The following FAM114A2 variants were observed in gnomAD, a reference collection of about 807,000 sequenced individuals.
The protein encoded by FAM114A2 is protein FAM114A2.
In FAM114A2, 53 loss-of-function variants were observed where a neutral mutation model predicts 58.4. That is an observed-to-expected ratio of 0.91 (90% CI 0.73 to 1.14). The LOEUF is 1.14. Among genes scored for constraint, FAM114A2 ranks in the 50% most tolerant of loss-of-function variants. The pLI is 0.00. For synonymous variants in FAM114A2, 228 were observed against 211.4 expected (o/e 1.08, Z -0.68); for missense variants, 601 against 581.1 (o/e 1.03, Z -0.35).
At chr5:154,018,762 G>A (rs1019078086) in intron 8 of FAM114A2, among the ~76,000 whole-genome samples, 4 of 152,080 alleles carry the variant, frequency 2.6e-5, no homozygotes, top group Admixed American at 6.5e-5. Context: ...CATATGAAAG[G>A]CAATAAATGT....
rs1391960448 is a variant in FAM114A2 at position 153,992,035 on chromosome 5, T to C, written c.*941A>G. 1 of 152,162 alleles carries C rather than the reference T, an allele frequency of 6.6e-6. No individual in the cohort carries two copies. Among genetic ancestry groups the C allele is most frequent in the African/African-American group, 2.4e-5 (1 of 41,440 alleles). The allele number at this position is 152,162 out of a possible 1,614,324, so 9.4% of individuals were successfully genotyped here. On this transcript the variant is annotated 3_prime_UTR_variant, in exon 14 of 14. Transcript: ENST00000351797. ...AAAAAGGAAAGAGGAAAAAATAAAC[T>C]ATGCCTTAGAAGTTAAATCCTATCA...
intron 11 of FAM114A2, among the ~76,000 whole-genome samples, chr5:153,999,890 T>C (rs1318177222): frequency 1.3e-5 from 2 of 152,076 alleles, no homozygotes; most frequent in African/African-American, 2.4e-5. Flanking sequence ...CCTAAGTCAG[T>C]TGAAAAATGG....
intron 4 of FAM114A2, among the ~76,000 whole-genome samples, chr5:154,031,327 A>AAAAAAAAAAAAAAAAAC (rs1772182138): frequency 6.6e-6 from 1 of 150,746 alleles, no homozygotes; most frequent in Non-Finnish European, 1.5e-5. Flanking sequence ...AAAAAAAAAA[A>AAAAAAAAAAAAAAAAAC]AGCCTTAAAG....
Position 154,034,851 on chromosome 5 carries a change from G to A in FAM114A2, c.103C>T (p.Gln35Ter). ...GATTTACTCTCTGGTTTGGCACCTTGGTCAACAGACTCAGAATTCTTGGCT... is the reference window on the plus strand; with the variant it reads ...GATTTACTCTCTGGTTTGGCACCTTAGTCAACAGACTCAGAATTCTTGGCT... ...EPAKNSESVD[Q>*]GAKPESKSEP... Residue 35 changes from glutamine (Q) to a stop codon, truncating the protein, a stop_gained, in exon 2 of 14, where the codon CAA becomes TAA. Transcript: ENST00000351797. LOFTEE classifies it high-confidence loss of function. 5.6e-6 allele frequency: 9 copies of A among 1,613,884 alleles called. No individual in the cohort carries two copies. Among genetic ancestry groups the A allele is most frequent in the Middle Eastern group, 1.6e-4 (1 of 6,062 alleles).
rs138252960 is a variant in FAM114A2 at position 154,034,870 on chromosome 5, C to A, written c.84G>T (p.Lys28Asn). ...ILEDGNCEPAKNSESVDQGAK... is the reference protein window; with the variant it reads ...ILEDGNCEPANNSESVDQGAK... ...CACCTTGGTCAACAGACTCAGAATT[C>A]TTGGCTGGCTCACAGTTTCCATCTT... Residue 28 changes from lysine (K) to asparagine (N), a missense_variant, in exon 2 of 14, where the codon AAG becomes AAT. Coordinates refer to ENST00000351797, the MANE Select transcript of FAM114A2 (RefSeq NM_018691.4). The A allele has an allele frequency of 5.2e-5, 84 of 1,613,996 alleles. No individual in the cohort carries two copies. Among genetic ancestry groups the A allele is most frequent in the Non-Finnish European group, 5.6e-5 (66 of 1,179,916 alleles).
intron 13 of FAM114A2, chr5:153,994,466 G>A (rs191406820): frequency 6.4e-6 from 1 of 155,376 alleles, no homozygotes; most frequent in African/African-American, 2.4e-5. Context: ...GAATGATGAG[G>A]ATAATGTAAA....
At chr5:154,019,857 A>G (rs1338530598) in intron 8 of FAM114A2, among the ~76,000 whole-genome samples, 1 of 152,170 alleles carries the variant, frequency 6.6e-6, no homozygotes, top group Non-Finnish European at 1.5e-5. Context: ...GGATCTTCTC[A>G]GCACCACACT....
Position 154,028,140 on chromosome 5 carries a change from A to C in FAM114A2, c.630+9T>G. The C allele has an allele frequency of 1.9e-6, 3 of 1,603,424 alleles. No homozygotes were observed. Among genetic ancestry groups the C allele is most frequent in the Non-Finnish European group, 2.6e-6 (3 of 1,174,550 alleles). On this transcript the variant is annotated intron_variant, in intron 6 of 13. Transcript: ENST00000351797. ...AAACAGGAAGTAAACAGGTAAGGAT[A>C]ATCAGTACCTGAGATAGTGTAGCAT... is the stretch of plus-strand genomic sequence containing the variant.
rs1203679280 is a variant in FAM114A2, at chr5:153,992,208, A to G, written c.*768T>C. 1 of 152,208 alleles carries G rather than the reference A, an allele frequency of 6.6e-6. No individual in the cohort carries two copies. The highest frequency in any genetic ancestry group is 2.4e-5 in the African/African-American group (1 of 41,454). The allele number at this position is 152,208 out of a possible 1,614,324, so 9.4% of individuals were successfully genotyped here. Reference sequence around the variant, plus strand: ...ATGGTAGACACGAAACACATCCTGAAGAGACTCAGAATATCTGCAAACATA... The same window carrying G: ...ATGGTAGACACGAAACACATCCTGAGGAGACTCAGAATATCTGCAAACATA... On this transcript the variant is annotated 3_prime_UTR_variant, in exon 14 of 14. Coordinates refer to ENST00000351797, the MANE Select transcript of FAM114A2 (RefSeq NM_018691.4).
At chr5:154,027,433 A>T in intron 6 of FAM114A2, 99 bp from the exon 7 acceptor site, 1 of 924,406 alleles carries the variant, frequency 1.1e-6, no homozygotes, top group Admixed American at 3.2e-5. Context: ...GTTAGAGTAC[A>T]GAGGATTGCC....
At chr5:154,001,552 AC>A (rs1769974231) in intron 11 of FAM114A2, among the ~76,000 whole-genome samples, 2 of 152,184 alleles carry the variant, frequency 1.3e-5, no homozygotes, top group South Asian at 4.1e-4. Context: ...TCTGCAGAAG[AC>A]TGACAGCCCC....
At chr5:154,022,241 T>A (rs1463943434) in intron 8 of FAM114A2, among the ~76,000 whole-genome samples, 1 of 152,136 alleles carries the variant, frequency 6.6e-6, no homozygotes, top group East Asian at 1.9e-4. Context: ...ACTTCATGAC[T>A]AAAACACCAA....
intron 9 of FAM114A2, among the ~76,000 whole-genome samples, chr5:154,007,309 C>CA (rs1770418973): frequency 6.6e-6 from 1 of 152,084 alleles, no homozygotes; most frequent in Non-Finnish European, 1.5e-5. Flanking sequence ...TTGGCTTCTC[C>CA]AAAAGCTTAT....
intron 4 of FAM114A2, 35 bp from the exon 5 acceptor site, chr5:154,029,615 A>G: frequency 8.2e-7 from 1 of 1,213,480 alleles, no homozygotes; most frequent in Non-Finnish European, 1.2e-6. Context: ...ACATGAAGGG[A>G]AGGTCCCTTA....
rs1331131269 is a variant in FAM114A2, at chr5:153,991,974, T to A, written c.*1002A>T. The A allele has an allele frequency of 6.6e-6, 1 of 152,088 alleles. No individual in the cohort carries two copies. The highest frequency in any genetic ancestry group is 6.6e-5 in the Admixed American group (1 of 15,262). 9.4% of individuals were successfully genotyped at this position (152,088 alleles called of 1,614,324 possible). Reference sequence around the variant, plus strand: ...CTTAAGATCTGGAGGATAAAAGTTATATCAAAAACATGCTAAAGAATACAT... The same window carrying A: ...CTTAAGATCTGGAGGATAAAAGTTAAATCAAAAACATGCTAAAGAATACAT... On this transcript the variant is annotated 3_prime_UTR_variant, in exon 14 of 14. Transcript: ENST00000351797.
chr5:154,005,166 A>G (rs1770269156), intron 9 of FAM114A2, among the ~76,000 whole-genome samples: 1 of 152,212 alleles, frequency 6.6e-6, no homozygotes, highest in Non-Finnish European at 1.5e-5. Context: ...CCCAGTGTCC[A>G]GCACACTGTG....
chr5:154,001,425 GA>G (rs2113223595), intron 11 of FAM114A2, among the ~76,000 whole-genome samples: 1 of 152,260 alleles, frequency 6.6e-6, no homozygotes, highest in South Asian at 2.1e-4. Context: ...CTTTTCCGCA[GA>G]ACAGGCTCCT....
Position 153,992,788 on chromosome 5 carries a change from A to G in FAM114A2, c.*188T>C. On this transcript the variant is annotated 3_prime_UTR_variant, in exon 14 of 14. Transcript: ENST00000351797. ...TAATTTATGAATTACAACAACTGGA[A>G]AGAATACTGTGAGAACCTGAATACT... The G allele has an allele frequency of 2.4e-6, 1 of 417,926 alleles. No homozygotes were observed. Among genetic ancestry groups the G allele is most frequent in the Non-Finnish European group, 4.2e-6 (1 of 236,944 alleles). 25.9% of individuals were successfully genotyped at this position (417,926 alleles called of 1,614,324 possible).
intron 11 of FAM114A2, among the ~76,000 whole-genome samples, chr5:153,999,810 A>G (rs530452819): frequency 6.6e-6 from 1 of 152,326 alleles, no homozygotes; most frequent in Admixed American, 6.5e-5. Flanking sequence ...TAAATAAATT[A>G]TATCAAAGGG....
Sources: allele counts gnomAD v4.1 joint callset (sites outside exome capture counted in the v4.1 genomes callset), GRCh38; gene constraint gnomAD v4.1.1; transcripts MANE v1.5; gene names NCBI Gene and HGNC (gene_info 2026-07-23, HGNC 2026-07-21).